CDCA4: variants seen among roughly 807,000 people sequenced by gnomAD.
CDCA4 encodes the protein cell division cycle associated 4, also known as cell division cycle-associated protein 4.
For synonymous variants in CDCA4, 130 were observed against 137.0 expected, an observed-to-expected ratio of 0.95 and a Z score of 0.36; for missense variants, 294 against 322.1, an observed-to-expected ratio of 0.91 and a Z score of 0.67.
intron 1 of CDCA4, among the ~76,000 whole-genome samples, chr14:105,016,546 G>C (rs555608353): frequency 5.9e-5 from 9 of 152,328 alleles, no homozygotes; most frequent in Admixed American, 4.6e-4. Context: ...CACACTTGCT[G>C]GTAAAGCTTC....
chr14:105,020,749 G>T lies in CDCA4; in HGVS notation c.-7+250C>A, dbSNP rs148168676. ...CCCAGCTCCGCGCTCCGCAAGGAAC[G>T]CAGACGGCGGCCCGGGCCCCTCTGT... On this transcript the variant is annotated intron_variant, in intron 1 of 1. Transcript: ENST00000336219. 9.0e-3 allele frequency among the ~76,000 whole-genome samples: 1,365 copies of T among 152,086 alleles called. 22 individuals carry two copies. The highest frequency in any genetic ancestry group is 0.031 in the African/African-American group (1,305 of 41,520).
rs139326290 is a variant in CDCA4 at position 105,011,526 on chromosome 14, G to A, written c.404C>T (p.Ala135Val). The change falls in exon 2 of 2, where the codon GCA (alanine) becomes GTA (valine). Residue 135 changes from alanine (A) to valine (V), a missense_variant. Ala to Val is a moderately conservative substitution (Grantham distance 64, BLOSUM62 0). Coordinates refer to ENST00000336219, the MANE Select transcript of CDCA4 (RefSeq NM_017955.4). ...GCTCTGCAGGTGCCTTGGTGCCTGT[G>A]CTGAGGTGACTGGGCAAAGGTCAGA... ...PVSDLCPVTS[A>V]QAPRHLQSSA... 3.0e-5 allele frequency: 48 copies of A among 1,614,078 alleles called. No homozygotes were observed. In the African/African-American group the frequency reaches 5.3e-4, roughly 18 times the overall value.
chr14:105,011,633 C>G lies in CDCA4; in HGVS notation c.297G>C (p.Glu99Asp), dbSNP rs566042409. 2 of 1,613,884 alleles carry G rather than the reference C, an allele frequency of 1.2e-6. No homozygotes were observed. Among genetic ancestry groups the G allele is most frequent in the African/African-American group, 2.7e-5 (2 of 75,052 alleles). Residue 99 changes from glutamate to aspartate, a missense_variant, in exon 2 of 2, where the codon GAG (glutamate) becomes GAC (aspartate). Physicochemically the swap from Glu to Asp is conservative, Grantham distance 45. Transcript: ENST00000336219. ...GCCCCCACGCTGCACGGCACAGGAT[C>G]TCCGTGGAGACCAAGCGGTCGAGCG... Reference protein sequence around the residue: ...RAPLDRLVSTEILCRAAWGQE... With the variant: ...RAPLDRLVSTDILCRAAWGQE...
chr14:105,011,113 C>G lies in CDCA4; in HGVS notation c.*91G>C, dbSNP rs900569504. On this transcript the variant is annotated 3_prime_UTR_variant, in exon 2 of 2. Coordinates refer to ENST00000336219, the MANE Select transcript of CDCA4 (RefSeq NM_017955.4). The stretch of plus-strand genomic sequence containing the variant: ...AGAATCAGCAGACAGGGCAGCAAGG[C>G]TGGGCCGCTGGCGGCAGGCGCACCC... 3 of 1,431,888 alleles carry G rather than the reference C, an allele frequency of 2.1e-6. No homozygotes were observed. In the African/African-American group the frequency reaches 4.3e-5, roughly 21 times the overall value. 88.7% of individuals were successfully genotyped at this position (1,431,888 alleles called of 1,614,324 possible). A position where few individuals can be genotyped will look rare whatever the true frequency, so the allele number is the denominator to read the frequency against.
rs147341834 is a variant in CDCA4 at position 105,011,038 on chromosome 14, C to T, written c.*166G>A. 9.8e-5 allele frequency: 79 copies of T among 807,096 alleles called. No homozygotes were observed. The African/African-American group carries it at 1.2e-3, about 12-fold the overall frequency. The allele number at this position is 807,096 out of a possible 1,614,324, so 50.0% of individuals were successfully genotyped here. On this transcript the variant is annotated 3_prime_UTR_variant, in exon 2 of 2. Transcript: ENST00000336219. ...CTCCACAGGGGGGAGGTGAGTGGGA[C>T]GGGCCTAGGGCTGCAGCCCCACTGG...
chr14:105,015,280 T>C (rs539548764), intron 1 of CDCA4, among the ~76,000 whole-genome samples: 5 of 150,760 alleles, frequency 3.3e-5, no homozygotes, highest in Non-Finnish European at 7.4e-5. Context: ...CTTGGCCTGG[T>C]GCTGTCAGCG....
At chr14:105,017,116 CTGTCTA>C (rs1474628698) in intron 1 of CDCA4, among the ~76,000 whole-genome samples, 1 of 152,160 alleles carries the variant, frequency 6.6e-6, no homozygotes, top group African/African-American at 2.4e-5. Context: ...AACCTTTTTT[CTGTCTA>C]TTCAAGGACA....
chr14:105,012,608 CTG>C (rs372545167), intron 1 of CDCA4, among the ~76,000 whole-genome samples: 30 of 152,350 alleles, frequency 2.0e-4, no homozygotes, highest in African/African-American at 7.2e-4. Context: ...AGCGAGTGGT[CTG>C]TGTTTCGTGC....
chr14:105,018,740 T>A (rs1322526791), intron 1 of CDCA4, among the ~76,000 whole-genome samples: 1 of 147,414 alleles, frequency 6.8e-6, no homozygotes, highest in Non-Finnish European at 1.5e-5. Flanking sequence ...CTGCTCAATT[T>A]TTTTTTTTTT....
chr14:105,010,215 C>G lies in CDCA4; in HGVS notation c.*989G>C, dbSNP rs963895085. 10 of 152,668 alleles carry G rather than the reference C, an allele frequency of 6.6e-5. No homozygotes were observed. The highest frequency in any genetic ancestry group is 1.9e-4 in the African/African-American group (8 of 41,434). 9.5% of individuals were successfully genotyped at this position (152,668 alleles called of 1,614,324 possible). A position where few individuals can be genotyped will look rare whatever the true frequency, so the allele number is the denominator to read the frequency against. On this transcript the variant is annotated 3_prime_UTR_variant, in exon 2 of 2. Coordinates refer to ENST00000336219, the MANE Select transcript of CDCA4 (RefSeq NM_017955.4). ...TCTTTCATTCTAGACTTCAACCTAGCCTTAACCTTTTGTTTCAGCACCAGT... is the reference window on the plus strand; with the variant it reads ...TCTTTCATTCTAGACTTCAACCTAGGCTTAACCTTTTGTTTCAGCACCAGT...
intron 1 of CDCA4, among the ~76,000 whole-genome samples, chr14:105,017,568 A>G (rs1294113895): frequency 6.6e-6 from 1 of 151,992 alleles, no homozygotes; most frequent in Non-Finnish European, 1.5e-5. Flanking sequence ...ACAGTGGCTC[A>G]TGCCTGTAAT....
In CDCA4 at chr14:105,011,692, G is replaced by A. The variant is rs762874162; in HGVS notation, c.238C>T (p.Arg80Cys). 1.5e-5 allele frequency: 25 copies of A among 1,613,532 alleles called. No individual in the cohort carries two copies. The Admixed American group carries it at 1.7e-4, about 11-fold the overall frequency. ...QEEMTQDGTW[R>C]TVAPQAAERA... Reference sequence around the variant, plus strand: ...TCTGCAGCCTGGGGTGCCACTGTGCGCCACGTCCCATCCTGCGTCATCTCC... The same window carrying A: ...TCTGCAGCCTGGGGTGCCACTGTGCACCACGTCCCATCCTGCGTCATCTCC... The change falls in exon 2 of 2, where the codon CGC becomes TGC. Residue 80 changes from arginine (R) to cysteine (C), a missense_variant. Coordinates refer to ENST00000336219, the MANE Select transcript of CDCA4 (RefSeq NM_017955.4).
Position 105,011,561 on chromosome 14 carries a change from C to G in CDCA4, c.369G>C (p.Gln123His), listed in dbSNP as rs778716843. The change falls in exon 2 of 2, where the codon CAG becomes CAC. Residue 123 changes from glutamine to histidine, a missense_variant. By Grantham distance (24) the Gln-to-His change is conservative (BLOSUM62 0). Transcript: ENST00000336219. The part of the protein sequence containing the change: ...PAPGLGDGHT[Q>H]GPVSDLCPVT... Reference sequence around the variant, plus strand: ...CTGGGCAAAGGTCAGAAACTGGACCCTGTGTGTGGCCGTCCCCCAAGCCAG... The same window carrying G: ...CTGGGCAAAGGTCAGAAACTGGACCGTGTGTGTGGCCGTCCCCCAAGCCAG... The G allele has an allele frequency of 4.3e-6, 7 of 1,613,912 alleles. No homozygotes were observed. In the East Asian group the frequency reaches 1.1e-4, roughly 26 times the overall value.
intron 1 of CDCA4, among the ~76,000 whole-genome samples, chr14:105,012,651 G>A (rs1206387333): frequency 1.3e-5 from 2 of 152,214 alleles, no homozygotes; most frequent in Admixed American, 6.5e-5. Context: ...GGGTCTCCTG[G>A]CCGAGCCTAT....
At position 105,011,731 on chromosome 14, in the gene CDCA4, G is replaced by A. The variant is rs1410674637; in HGVS notation, c.199C>T (p.Arg67Trp). 8 of 1,613,682 alleles carry A rather than the reference G, an allele frequency of 5.0e-6. No individual in the cohort carries two copies. Among genetic ancestry groups the A allele is most frequent in the East Asian group, 2.2e-5 (1 of 44,888 alleles). The change falls in exon 2 of 2, where the codon CGG becomes TGG. Residue 67 changes from arginine to tryptophan, a missense_variant. By Grantham distance (101) the Arg-to-Trp change is moderately radical. Coordinates refer to ENST00000336219, the MANE Select transcript of CDCA4 (RefSeq NM_017955.4). ...TGCGTCATCTCCTCTTGGATCTGCCGGACCGTGTTGGCAATGAGGACTGAG... is the reference window on the plus strand; with the variant it reads ...TGCGTCATCTCCTCTTGGATCTGCCAGACCGTGTTGGCAATGAGGACTGAG... Reference protein sequence around the residue: ...CRSVLIANTVRQIQEEMTQDG... With the variant: ...CRSVLIANTVWQIQEEMTQDG...
chr14:105,013,304 G>A (rs1274537561), intron 1 of CDCA4, among the ~76,000 whole-genome samples: 2 of 152,136 alleles, frequency 1.3e-5, no homozygotes, highest in Non-Finnish European at 2.9e-5. Flanking sequence ...GCCATTCTGA[G>A]CCAGTGCCGC....
intron 1 of CDCA4, among the ~76,000 whole-genome samples, chr14:105,019,719 T>TTTTG (rs550341175): frequency 9.6e-4 from 146 of 152,144 alleles, no homozygotes; most frequent in African/African-American, 3.5e-3. Flanking sequence ...ATTTGGTTTT[T>TTTTG]TTTGTTTTTT....
chr14:105,015,667 C>A (rs542246152), intron 1 of CDCA4, among the ~76,000 whole-genome samples: 1 of 152,204 alleles, frequency 6.6e-6, no homozygotes, highest in Non-Finnish European at 1.5e-5. Flanking sequence ...TAGGCCATCT[C>A]ACAGGAGCCC....
chr14:105,019,558 C>A (rs1489298345), intron 1 of CDCA4, among the ~76,000 whole-genome samples: 1 of 152,246 alleles, frequency 6.6e-6, no homozygotes, highest in Non-Finnish European at 1.5e-5. Flanking sequence ...CCATTCCTCA[C>A]ACATCAGATA....
Sources: gnomAD v4.1 joint callset for allele counts (sites outside exome capture counted in the v4.1 genomes callset) on GRCh38, gnomAD v4.1.1 for gene constraint, MANE v1.5 for transcripts, NCBI Gene and HGNC (gene_info 2026-07-23, HGNC 2026-07-21) for gene names.